Variants in SNX19 observed in about 807,000 individuals in gnomAD.
SNX19 encodes sorting nexin-19.
A neutral mutation model predicts 85.2 loss-of-function variants in SNX19; 60 were observed. The observed-to-expected ratio is 0.70, with a 90% CI of 0.57 to 0.87. The LOEUF (loss-of-function observed/expected upper bound fraction) is 0.87. SNX19 is among the 40% of genes least tolerant of loss of function. The pLI, the probability that SNX19 is intolerant of heterozygous loss-of-function variation, is 0.00. For synonymous variants in SNX19, 520 were observed against 470.0 expected, an observed-to-expected ratio of 1.11 and a Z score of -1.38; for missense variants, 1,201 against 1,217.8, an observed-to-expected ratio of 0.99 and a Z score of 0.21.
rs531490161 is a variant in SNX19 at position 130,874,992 on chromosome 11, T to C, written c.*3430A>G. On this transcript the variant is annotated 3_prime_UTR_variant, in exon 11 of 11. Coordinates refer to ENST00000265909, the MANE Select transcript of SNX19 (RefSeq NM_014758.3). ...GAATTAAAAACAGAACAATATATGA[T>C]CCAGCAATCCTACTTCTGGGTATTT... 2.8e-4 allele frequency among the ~76,000 whole-genome samples: 42 copies of C among 152,290 alleles called. No homozygotes were observed. Among genetic ancestry groups the C allele is most frequent in the African/African-American group, 9.6e-4 (40 of 41,572 alleles).
intron 1 of SNX19, among the ~76,000 whole-genome samples, chr11:130,913,764 G>A (rs1467697014): frequency 1.3e-5 from 2 of 152,202 alleles, no homozygotes; most frequent in Non-Finnish European, 2.9e-5. Flanking sequence ...TTGACTCTTG[G>A]AGGTGTGTAA....
At chr11:130,891,100 T>G (rs915686302) in intron 8 of SNX19, among the ~76,000 whole-genome samples, 1 of 152,158 alleles carries the variant, frequency 6.6e-6, no homozygotes. Flanking sequence ...TATTCATGCT[T>G]ACAGAGGAAG....
chr11:130,887,029 TG>T (rs1388340445), intron 8 of SNX19, among the ~76,000 whole-genome samples: 1 of 152,224 alleles, frequency 6.6e-6, no homozygotes, highest in African/African-American at 2.4e-5. Flanking sequence ...AAATCTAAAA[TG>T]GCTCAGAGTT....
At position 130,870,405 on chromosome 11, in the gene SNX19, C is replaced by T. The variant is rs946853947; in HGVS notation, c.*8017G>A. On this transcript the variant is annotated 3_prime_UTR_variant, in exon 11 of 11. Transcript: ENST00000265909. ...ACCCACATGGGTGCAGGGTGCACAC[C>T]TGAACAGGGGGTAGCCTCTGATGAA... Among the ~76,000 whole-genome samples the T allele has an allele frequency of 6.6e-6, 1 of 152,236 alleles. No individual in the cohort carries two copies. The highest frequency in any genetic ancestry group is 2.4e-5 in the African/African-American group (1 of 41,460).
intron 8 of SNX19, among the ~76,000 whole-genome samples, chr11:130,899,249 C>T (rs1025521405): frequency 5.9e-5 from 9 of 152,174 alleles, no homozygotes; most frequent in African/African-American, 1.4e-4. Context: ...AGATTATCAA[C>T]GTTTACACTC....
chr11:130,891,846 CTTTTTTT>C (rs10649582), intron 8 of SNX19, among the ~76,000 whole-genome samples: 2 of 140,432 alleles, frequency 1.4e-5, no homozygotes, highest in Admixed American at 7.1e-5. Flanking sequence ...AAAGTTTTTT[CTTTTTTT>C]TTTTTTTGAG....
chr11:130,915,896 C>T lies in SNX19; in HGVS notation c.44G>A (p.Gly15Glu), dbSNP rs1270136661. The T allele has an allele frequency of 6.2e-7, 1 of 1,614,114 alleles. No individual in the cohort carries two copies. The highest frequency in any genetic ancestry group is 1.7e-5 in the Admixed American group (1 of 60,028). The change falls in exon 1 of 11, where the codon GGA becomes GAA. Residue 15 changes from glycine to glutamate, a missense_variant. Coordinates refer to ENST00000265909, the MANE Select transcript of SNX19 (RefSeq NM_014758.3). ...TVPPFQETPAGSSCHLNNLLS... is the reference protein window; with the variant it reads ...TVPPFQETPAESSCHLNNLLS... The stretch of plus-strand genomic sequence containing the variant: ...CAGGTTATTGAGGTGACAGCTCGAT[C>T]CAGCTGGAGTTTCCTGGAACGGTGG...
intron 8 of SNX19, among the ~76,000 whole-genome samples, chr11:130,882,475 G>T (rs1592280542): frequency 6.6e-6 from 1 of 152,236 alleles, no homozygotes; most frequent in Admixed American, 6.5e-5. Flanking sequence ...CAAGCCCAAG[G>T]CTCACAACTG....
At chr11:130,907,553 T>C (rs549037685) in intron 5 of SNX19, among the ~76,000 whole-genome samples, 2 of 152,286 alleles carry the variant, frequency 1.3e-5, no homozygotes, top group African/African-American at 4.8e-5. Flanking sequence ...TTATTGCTAA[T>C]ATATGCAACT....
intron 8 of SNX19, among the ~76,000 whole-genome samples, chr11:130,891,446 G>T (rs1944488481): frequency 6.6e-6 from 1 of 152,188 alleles, no homozygotes; most frequent in Non-Finnish European, 1.5e-5. Flanking sequence ...GGAGGAGAGA[G>T]ACAGCTGCCA....
rs1943212294 is a variant in SNX19, at chr11:130,875,721, C to A, written c.*2701G>T. 2 of 152,024 alleles carry A rather than the reference C, an allele frequency of 1.3e-5. No individual in the cohort carries two copies. The highest frequency in any genetic ancestry group is 4.8e-5 in the African/African-American group (2 of 41,366). The allele number at this position is 152,024 out of a possible 1,614,324, so 9.4% of individuals were successfully genotyped here. A position where few individuals can be genotyped will look rare whatever the true frequency, so the allele number is the denominator to read the frequency against. On this transcript the variant is annotated 3_prime_UTR_variant, in exon 11 of 11. Transcript: ENST00000265909. ...AGGTCGGGGGAGGGGGAAGGGATAG[C>A]ATCAGGAGATATACCTAATGTAAAT...
chr11:130,870,570 A>G lies in SNX19; in HGVS notation c.*7852T>C, dbSNP rs1220980148. On this transcript the variant is annotated 3_prime_UTR_variant, in exon 11 of 11. Coordinates refer to ENST00000265909, the MANE Select transcript of SNX19 (RefSeq NM_014758.3). ...AGACTAGCCAGTGCCCTCCACTGGA[A>G]TAAGTGGTTAATCTCAAAGAGGTTT... Among the ~76,000 whole-genome samples, 4 of 152,224 alleles carry G rather than the reference A, an allele frequency of 2.6e-5. No individual in the cohort carries two copies. The highest frequency in any genetic ancestry group is 9.6e-5 in the African/African-American group (4 of 41,460).
At position 130,867,733 on chromosome 11, in the gene SNX19, G is replaced by C. The variant is rs1215553962; in HGVS notation, c.*10689C>G. The C allele has an allele frequency of 6.6e-6, 1 of 152,114 alleles. No homozygotes were observed. The highest frequency in any genetic ancestry group is 1.5e-5 in the Non-Finnish European group (1 of 68,022). 9.4% of individuals were successfully genotyped at this position (152,114 alleles called of 1,614,324 possible). A position where few individuals can be genotyped will look rare whatever the true frequency, so the allele number is the denominator to read the frequency against. On this transcript the variant is annotated 3_prime_UTR_variant, in exon 11 of 11. Coordinates refer to ENST00000265909, the MANE Select transcript of SNX19 (RefSeq NM_014758.3). ...GACCATCATCGTTGTTCCGGAATCT[G>C]GCCATGTGCTAAGAGACAGCTTCTG... is the stretch of plus-strand genomic sequence containing the variant.
At position 130,869,130 on chromosome 11, in the gene SNX19, T is replaced by G. The variant is rs947172333; in HGVS notation, c.*9292A>C. 2.0e-5 allele frequency: 3 copies of G among 152,172 alleles called. No homozygotes were observed. Among genetic ancestry groups the G allele is most frequent in the Non-Finnish European group, 4.4e-5 (3 of 68,038 alleles). 9.4% of individuals were successfully genotyped at this position (152,172 alleles called of 1,614,324 possible). On this transcript the variant is annotated 3_prime_UTR_variant, in exon 11 of 11. Coordinates refer to ENST00000265909, the MANE Select transcript of SNX19 (RefSeq NM_014758.3). ...TGCCTCCAAGGGATTAACAGCCCAG[T>G]AGGGAAGACAGACCAACAGGCAAAC...
intron 1 of SNX19, among the ~76,000 whole-genome samples, chr11:130,912,344 C>T (rs1010909379): frequency 6.6e-6 from 1 of 152,276 alleles, no homozygotes; most frequent in Admixed American, 6.5e-5. Context: ...TCACAGAAGT[C>T]ACATGAAAAT....
rs1396364569 is a variant in SNX19 at position 130,875,561 on chromosome 11, A to C, written c.*2861T>G. 2 of 152,182 alleles carry C rather than the reference A, an allele frequency of 1.3e-5. No individual in the cohort carries two copies. Among genetic ancestry groups the C allele is most frequent in the Non-Finnish European group, 2.9e-5 (2 of 68,036 alleles). The allele number at this position is 152,182 out of a possible 1,614,324, so 9.4% of individuals were successfully genotyped here. A position where few individuals can be genotyped will look rare whatever the true frequency, so the allele number is the denominator to read the frequency against. On this transcript the variant is annotated 3_prime_UTR_variant, in exon 11 of 11. Transcript: ENST00000265909. ...ATAAGAAAATCACCTTGTAAACTGGAAATTTCCAAAATGGAAATTGGAGTA... is the reference window on the plus strand; with the variant it reads ...ATAAGAAAATCACCTTGTAAACTGGCAATTTCCAAAATGGAAATTGGAGTA...
In SNX19 at chr11:130,889,188, A is replaced by G. The variant is rs552476088; in HGVS notation, c.2574-8382T>C. ...AAGCTTACTGGACCCTGTTCTTACT[A>G]GTTCTATTACTACTATTTTTGCATT... On this transcript the variant is annotated intron_variant, in intron 8 of 10. Coordinates refer to ENST00000265909, the MANE Select transcript of SNX19 (RefSeq NM_014758.3). Among the ~76,000 whole-genome samples the G allele has an allele frequency of 2.6e-5, 4 of 152,170 alleles. No individual in the cohort carries two copies. In the East Asian group the frequency reaches 5.8e-4, roughly 22 times the overall value.
chr11:130,885,828 G>A (rs1462255609), intron 8 of SNX19, among the ~76,000 whole-genome samples: 1 of 152,178 alleles, frequency 6.6e-6, no homozygotes, highest in Non-Finnish European at 1.5e-5. Context: ...TCAAGTTAAA[G>A]CTTCTATCAT....
intron 7 of SNX19, among the ~76,000 whole-genome samples, chr11:130,904,840 G>A (rs1378904351): frequency 1.3e-5 from 2 of 152,008 alleles, no homozygotes; most frequent in African/African-American, 4.8e-5. Context: ...TTACCACACT[G>A]ACCCTGCCCC....
Sources: gnomAD v4.1 joint callset for allele counts (sites outside exome capture counted in the v4.1 genomes callset) on GRCh38, gnomAD v4.1.1 for gene constraint, MANE v1.5 for transcripts, NCBI Gene and HGNC (gene_info 2026-07-23, HGNC 2026-07-21) for gene names.